Variants in STARD13 observed in about 807,000 individuals in gnomAD.
STARD13 encodes StAR related lipid transfer domain containing 13.
A neutral mutation model predicts 106.4 loss-of-function variants in STARD13; 62 were observed. That is an observed-to-expected ratio of 0.58 (90% CI 0.48 to 0.72). The LOEUF (loss-of-function observed/expected upper bound fraction) is 0.72. STARD13 is among the 30% of genes least tolerant of loss of function. The pLI is 0.00. For synonymous variants in STARD13, 565 were observed against 553.0 expected (o/e 1.02, Z -0.31); for missense variants, 1,387 against 1,424.0 (o/e 0.97, Z 0.42).
At chr13:33,464,780 C>T in the STARD13 span, among the ~76,000 whole-genome samples, 5 of 152,016 alleles carry the variant, frequency 3.3e-5, no homozygotes, top group African/African-American at 1.2e-4. Context: ...ACTCGGAAGG[C>T]GGAGGTTGCA....
rs1302603500 is a variant in STARD13, at chr13:33,128,945, G to A, written c.1732C>T (p.Leu578=). Residue 578 remains leucine (L), a synonymous_variant, in exon 5 of 14, where the codon CTG becomes TTG. Coordinates refer to ENST00000336934, the MANE Select transcript of STARD13 (RefSeq NM_178006.4). ...GCCACCTACCTGTTTGGCCTGGTCA[G>A]AGAGGCCCCTACACCAGAATCCCTC... is the stretch of plus-strand genomic sequence containing the variant. The part of the protein sequence containing the change: ...DRRDSGVGAS[L]TRPNRRLRWN... 3 of 1,612,292 alleles carry A rather than the reference G, an allele frequency of 1.9e-6. No individual in the cohort carries two copies. The highest frequency in any genetic ancestry group is 2.5e-6 in the Non-Finnish European group (3 of 1,179,108).
At chr13:33,205,942 G>T (rs1887388967) in intron 1 of STARD13, 2 of 985,242 alleles carry the variant, frequency 2.0e-6, no homozygotes, top group Non-Finnish European at 2.4e-6. Flanking sequence ...ATCTGTCACC[G>T]AGTGTTTTCT....
chr13:33,246,706 C>T (rs1889839413), intron 1 of STARD13, among the ~76,000 whole-genome samples: 1 of 151,552 alleles, frequency 6.6e-6, no homozygotes, highest in Non-Finnish European at 1.5e-5. Context: ...GACCATAAAA[C>T]AAAAACAAAA....
the STARD13 span, among the ~76,000 whole-genome samples, chr13:33,470,168 G>T: frequency 2.6e-5 from 4 of 152,100 alleles, no homozygotes; most frequent in Admixed American, 1.3e-4. Context: ...CTGTTCCTGT[G>T]TTAGTTTGGT....
At chr13:33,341,612 A>G (rs2077962111) in intron 1 of STARD13, among the ~76,000 whole-genome samples, 2 of 151,756 alleles carry the variant, frequency 1.3e-5, no homozygotes, top group African/African-American at 4.8e-5. Context: ...AAAAAGAAGA[A>G]GAAAAAAAGA....
intron 1 of STARD13, among the ~76,000 whole-genome samples, chr13:33,324,546 C>T (rs530631857): frequency 9.9e-4 from 151 of 152,270 alleles, no homozygotes; most frequent in African/African-American, 3.5e-3. Context: ...GTCAAGGTAG[C>T]TATCACTGCT....
At chr13:33,388,007 T>A in the STARD13 span, among the ~76,000 whole-genome samples, 1 of 152,176 alleles carries the variant, frequency 6.6e-6, no homozygotes, top group Non-Finnish European at 1.5e-5. Flanking sequence ...CACATGAGTG[T>A]CCTGGGCTAA....
intron 1 of STARD13, among the ~76,000 whole-genome samples, chr13:33,223,795 T>A (rs1257433355): frequency 1.3e-5 from 2 of 152,096 alleles, no homozygotes; most frequent in African/African-American, 4.8e-5. Flanking sequence ...TGTGCTTCAG[T>A]TTGTACATTT....
chr13:33,661,756 A>G, the STARD13 span, among the ~76,000 whole-genome samples: 60 of 152,112 alleles, frequency 3.9e-4, no homozygotes, highest in South Asian at 8.3e-4. Flanking sequence ...CCTGCCCTTA[A>G]CACATGGGGA....
chr13:33,346,225 A>G (rs4611328), downstream of STARD13, among the ~76,000 whole-genome samples: 109,100 of 152,128 alleles, frequency 0.72, 42,438 homozygotes, highest in East Asian at 0.97. Context: ...CATCAGACCC[A>G]GTCAAGCCTT....
chr13:33,326,608 T>C (rs775202947), intron 1 of STARD13, among the ~76,000 whole-genome samples: 1 of 152,208 alleles, frequency 6.6e-6, no homozygotes, highest in African/African-American at 2.4e-5. Context: ...GAAATGGTTC[T>C]TAAAAATGCA....
chr13:33,144,953 A>G (rs1428183341), intron 3 of STARD13, among the ~76,000 whole-genome samples: 1 of 152,176 alleles, frequency 6.6e-6, no homozygotes, highest in Non-Finnish European at 1.5e-5. Flanking sequence ...ACAGACTCGA[A>G]TATGCTTTAT....
the STARD13 span, among the ~76,000 whole-genome samples, chr13:33,427,657 C>G: frequency 6.6e-6 from 1 of 152,124 alleles, no homozygotes; most frequent in Non-Finnish European, 1.5e-5. Flanking sequence ...TAGTCCGTAA[C>G]ATAAAAATAG....
chr13:33,151,451 C>T (rs972030872), intron 3 of STARD13, among the ~76,000 whole-genome samples: 10 of 152,166 alleles, frequency 6.6e-5, no homozygotes, highest in African/African-American at 1.7e-4. Flanking sequence ...CTAGATCTCA[C>T]GTGAACTAAC....
intron 3 of STARD13, among the ~76,000 whole-genome samples, chr13:33,152,476 C>T (rs1011395022): frequency 7.9e-5 from 12 of 151,646 alleles, no homozygotes; most frequent in African/African-American, 2.9e-4. Flanking sequence ...CTGTCTTTTA[C>T]TTAAAGAACT....
chr13:33,512,053 T>A, the STARD13 span, among the ~76,000 whole-genome samples: 2 of 152,172 alleles, frequency 1.3e-5, no homozygotes, highest in Admixed American at 1.3e-4. Flanking sequence ...CACAGGCTGT[T>A]TTTAGTAATG....
chr13:33,534,275 G>C, the STARD13 span, among the ~76,000 whole-genome samples: 1 of 152,154 alleles, frequency 6.6e-6, no homozygotes, highest in Non-Finnish European at 1.5e-5. Context: ...TGAGTTATCA[G>C]ACTTTTAGAG....
chr13:33,505,005 T>C, the STARD13 span, among the ~76,000 whole-genome samples: 1 of 152,162 alleles, frequency 6.6e-6, no homozygotes, highest in Non-Finnish European at 1.5e-5. Context: ...GTACAACTCA[T>C]AGCAGCTTGG....
At chr13:33,481,910 G>A in the STARD13 span, among the ~76,000 whole-genome samples, 1 of 151,776 alleles carries the variant, frequency 6.6e-6, no homozygotes. Flanking sequence ...GTGAACCCAA[G>A]GGGCGGAGCT....
Sources: gnomAD v4.1 joint callset for allele counts (sites outside exome capture counted in the v4.1 genomes callset) on GRCh38, gnomAD v4.1.1 for gene constraint, MANE v1.5 for transcripts, NCBI Gene and HGNC (gene_info 2026-07-23, HGNC 2026-07-21) for gene names.